The following PTPRQ variants were observed in gnomAD, a reference collection of about 807,000 sequenced individuals.
PTPRQ encodes phosphatidylinositol phosphatase PTPRQ.
Under a neutral mutation model 246.0 loss-of-function variants are expected in PTPRQ, and 199 were observed. The ratio of observed to expected loss-of-function variants is 0.81; its 90% CI spans 0.72 to 0.91. PTPRQ has a LOEUF of 0.91. Ranked by LOEUF, PTPRQ falls within the 40% of genes least tolerant of loss-of-function variation. The pLI, the probability that PTPRQ is intolerant of heterozygous loss-of-function variation, is 0.00. For synonymous variants in PTPRQ, 869 were observed against 853.2 expected (o/e 1.02, Z -0.32); for missense variants, 2,624 against 2,528.4 (o/e 1.04, Z -0.81).
intron 17 of PTPRQ, among the ~76,000 whole-genome samples, chr12:80,518,535 G>T (rs1051926739): frequency 6.6e-6 from 1 of 151,850 alleles, no homozygotes; most frequent in Non-Finnish European, 1.5e-5. Context: ...ATGCTTGTGG[G>T]GTATTACTCA....
At chr12:80,461,911 C>T (rs551473106) in intron 6 of PTPRQ, 11 of 75,294 alleles carry the variant, frequency 1.5e-4, no homozygotes, top group South Asian at 9.3e-4. Flanking sequence ...GGAACAGCTC[C>T]GGTCTACAGC....
chr12:80,605,979 G>T (rs1898304466), intron 27 of PTPRQ, among the ~76,000 whole-genome samples: 1 of 150,968 alleles, frequency 6.6e-6, no homozygotes, highest in African/African-American at 2.4e-5. Context: ...AAAGAACAGA[G>T]GAAATGTAGC....
At chr12:80,610,056 C>T (rs567711876) in intron 27 of PTPRQ, among the ~76,000 whole-genome samples, 8 of 150,368 alleles carry the variant, frequency 5.3e-5, no homozygotes, top group Non-Finnish European at 1.2e-4. Context: ...TTCTCAAATA[C>T]TACAGGAGCT....
chr12:80,453,192 T>C (rs142147100), intron 3 of PTPRQ, among the ~76,000 whole-genome samples: 44,402 of 151,936 alleles, frequency 0.29, 6,830 homozygotes, highest in African/African-American at 0.36. Flanking sequence ...TCACGTAGTT[T>C]TCGAGCCTTG....
chr12:80,520,349 T>A (rs1430946373), intron 17 of PTPRQ, among the ~76,000 whole-genome samples: 1 of 152,184 alleles, frequency 6.6e-6, no homozygotes, highest in Non-Finnish European at 1.5e-5. Context: ...TAATCACATA[T>A]TACTTTTAAT....
chr12:80,525,168 C>A (rs1395834950), intron 17 of PTPRQ, among the ~76,000 whole-genome samples: 3 of 152,056 alleles, frequency 2.0e-5, no homozygotes, highest in Non-Finnish European at 4.4e-5. Flanking sequence ...CAGAGTAGAG[C>A]TTGTTCAGGG....
intron 6 of PTPRQ, among the ~76,000 whole-genome samples, chr12:80,464,139 A>T (rs1893313700): frequency 1.3e-5 from 2 of 151,464 alleles, no homozygotes; most frequent in African/African-American, 4.9e-5. Flanking sequence ...ACATGCAGAG[A>T]CACACATAGG....
chr12:80,568,552 A>G (rs1386515403), intron 25 of PTPRQ, among the ~76,000 whole-genome samples: 2 of 152,184 alleles, frequency 1.3e-5, no homozygotes, highest in East Asian at 3.8e-4. Context: ...TCTTGGCTGC[A>G]TATGTAAAGT....
chr12:80,581,876 G>T (rs145522047), intron 25 of PTPRQ, among the ~76,000 whole-genome samples: 3 of 152,242 alleles, frequency 2.0e-5, no homozygotes, highest in African/African-American at 7.2e-5. Flanking sequence ...CACTGAAACA[G>T]AATTTTTTCC....
intron 26 of PTPRQ, among the ~76,000 whole-genome samples, chr12:80,600,456 T>C (rs1898104447): frequency 6.6e-6 from 1 of 151,746 alleles, no homozygotes; most frequent in Non-Finnish European, 1.5e-5. Flanking sequence ...TGTCCTCAAA[T>C]GAGACCCGAA....
At chr12:80,580,655 A>G (rs771554454) in intron 25 of PTPRQ, among the ~76,000 whole-genome samples, 1 of 152,204 alleles carries the variant, frequency 6.6e-6, no homozygotes, top group Admixed American at 6.5e-5. Flanking sequence ...GTTATACCAT[A>G]TATTTCACCT....
At chr12:80,453,079 T>A (rs1892829201) in intron 3 of PTPRQ, among the ~76,000 whole-genome samples, 2 of 152,158 alleles carry the variant, frequency 1.3e-5, no homozygotes, top group South Asian at 4.1e-4. Context: ...TTATTCTTTT[T>A]TCTCTAAACT....
chr12:80,542,772 C>A lies in PTPRQ; in HGVS notation c.3764C>A (p.Thr1255Asn), dbSNP rs1449220855. Residue 1255 changes from threonine (T) to asparagine (N), a missense_variant, in exon 23 of 45, where the codon ACT (threonine) becomes AAT (asparagine). By Grantham distance (65) the Thr-to-Asn change is moderately conservative. Transcript: ENST00000644991. ...PPQNLTLINC[T>N]SDFVWLKWSP... is the part of the protein sequence containing the mutation. ...CAAAATTTGACTTTAATCAACTGTA[C>A]TTCAGACTTTGTATGGCTGAAATGG... 5.2e-6 allele frequency: 8 copies of A among 1,549,358 alleles called. No individual in the cohort carries two copies. The East Asian group carries it at 2.0e-4, about 38-fold the overall frequency.
At chr12:80,454,631 C>G in intron 3 of PTPRQ, 1 of 673,230 alleles carries the variant, frequency 1.5e-6, no homozygotes, top group South Asian at 1.6e-5. Flanking sequence ...ATTATTTTGA[C>G]ATATGTTCCT....
At chr12:80,479,565 A>G (rs1893956441) in intron 8 of PTPRQ, among the ~76,000 whole-genome samples, 1 of 145,944 alleles carries the variant, frequency 6.9e-6, no homozygotes, top group Admixed American at 6.9e-5. Context: ...TGCTCCAATT[A>G]AAAGACACAG....
rs11836753 is a variant in PTPRQ at position 80,591,405 on chromosome 12, A to G, written c.4609+2953A>G. Among the ~76,000 whole-genome samples the G allele has an allele frequency of 4.0e-3, 611 of 152,244 alleles. 8 individuals are homozygous for G. Among genetic ancestry groups the G allele is most frequent in the African/African-American group, 0.014 (589 of 41,550 alleles). On this transcript the variant is annotated intron_variant, in intron 26 of 44. Transcript: ENST00000644991. ...TGGCCTCCCACAGTGCTGAGATTTC[A>G]GGCATGAGCTACCATCCCACGCATA...
chr12:80,457,915 A>C (rs1352205985), intron 4 of PTPRQ, among the ~76,000 whole-genome samples: 3 of 152,108 alleles, frequency 2.0e-5, no homozygotes, highest in African/African-American at 7.2e-5. Flanking sequence ...TCATATAAAA[A>C]ATGCTTTTAT....
intron 35 of PTPRQ, among the ~76,000 whole-genome samples, chr12:80,635,341 A>G (rs958659558): frequency 4.6e-5 from 7 of 152,196 alleles, no homozygotes; most frequent in Admixed American, 6.5e-5. Flanking sequence ...TTTCCACATT[A>G]AACCTTTGAC....
intron 3 of PTPRQ, among the ~76,000 whole-genome samples, chr12:80,455,931 A>G (rs1266390339): frequency 6.6e-6 from 1 of 152,110 alleles, no homozygotes; most frequent in Non-Finnish European, 1.5e-5. Flanking sequence ...AAAATTTAAC[A>G]TCATCTCATT....
Sources: gnomAD v4.1 joint callset for allele counts (sites outside exome capture counted in the v4.1 genomes callset) on GRCh38, gnomAD v4.1.1 for gene constraint, MANE v1.5 for transcripts, NCBI Gene and HGNC (gene_info 2026-07-23, HGNC 2026-07-21) for gene names.